Variants in EYA4 observed in about 807,000 individuals in gnomAD.
EYA4 encodes protein phosphatase EYA4.
In EYA4, 31 loss-of-function variants were observed where a neutral mutation model predicts 87.9. That is an observed-to-expected ratio of 0.35 (90% CI 0.27 to 0.48). The LOEUF is 0.48. EYA4 is among the 20% of genes least tolerant of loss of function. EYA4 has a pLI of 0.99. For synonymous variants in EYA4, 263 were observed against 270.6 expected, an observed-to-expected ratio of 0.97 and a Z score of 0.28; for missense variants, 678 against 761.4, an observed-to-expected ratio of 0.89 and a Z score of 1.29.
intron 2 of EYA4, among the ~76,000 whole-genome samples, chr6:133,366,412 A>G (rs990707409): frequency 2.0e-5 from 3 of 152,152 alleles, no homozygotes; most frequent in Admixed American, 6.5e-5. Flanking sequence ...TGGTGATAAA[A>G]ATTTGGGAAC....
intron 2 of EYA4, among the ~76,000 whole-genome samples, chr6:133,327,160 C>A (rs1001217641): frequency 1.3e-5 from 2 of 151,868 alleles, no homozygotes; most frequent in Non-Finnish European, 2.9e-5. Context: ...TTTTTTGAGA[C>A]AGAGTCTCGC....
intron 2 of EYA4, chr6:133,360,487 T>C (rs149253177): frequency 3.9e-5 from 6 of 152,326 alleles, no homozygotes; most frequent in African/African-American, 1.4e-4. Context: ...TGCCAACCAA[T>C]GTGTTAGATG....
intron 17 of EYA4, among the ~76,000 whole-genome samples, 180 bp from the exon 18 acceptor site, chr6:133,522,876 G>T (rs1015798533): frequency 9.2e-5 from 14 of 152,120 alleles, no homozygotes; most frequent in African/African-American, 2.9e-4. Flanking sequence ...TCATGGGTTT[G>T]TATATTCTTC....
chr6:133,340,364 A>G (rs983738250), intron 2 of EYA4, among the ~76,000 whole-genome samples: 1 of 152,220 alleles, frequency 6.6e-6, no homozygotes, highest in African/African-American at 2.4e-5. Context: ...CTCTTTTCAC[A>G]TCTACATAAA....
chr6:133,481,507 C>G lies in EYA4; in HGVS notation c.1015C>G (p.Leu339Val), dbSNP rs747932742. 1.2e-6 allele frequency: 2 copies of G among 1,613,260 alleles called. No individual in the cohort carries two copies. Among genetic ancestry groups the G allele is most frequent in the Non-Finnish European group, 1.7e-6 (2 of 1,179,306 alleles). ...GAGTCCCTCCACACCCATCAAAGATCTTGATGAGAGAACCTGTAGGAGTTC... is the reference window on the plus strand; with the variant it reads ...GAGTCCCTCCACACCCATCAAAGATGTTGATGAGAGAACCTGTAGGAGTTC... ...MQSPSTPIKDLDERTCRSSGS... is the reference protein window; with the variant it reads ...MQSPSTPIKDVDERTCRSSGS... Residue 339 changes from leucine to valine, a missense_variant, in exon 12 of 20, where the codon CTT becomes GTT. Transcript: ENST00000355286.
chr6:133,494,988 G>T (rs899598101), intron 13 of EYA4, among the ~76,000 whole-genome samples: 1 of 152,124 alleles, frequency 6.6e-6, no homozygotes, highest in Non-Finnish European at 1.5e-5. Flanking sequence ...ATCTCATGAC[G>T]CCAGGTGCGG....
At chr6:133,339,041 T>C (rs1782590038) in intron 2 of EYA4, among the ~76,000 whole-genome samples, 1 of 152,096 alleles carries the variant, frequency 6.6e-6, no homozygotes, top group African/African-American at 2.4e-5. Context: ...GTGCTCGGGG[T>C]GCAGGGTCAG....
intron 2 of EYA4, among the ~76,000 whole-genome samples, chr6:133,367,166 T>G (rs1010038466): frequency 6.6e-6 from 1 of 152,202 alleles, no homozygotes; most frequent in Non-Finnish European, 1.5e-5. Flanking sequence ...TTGGGTCTTC[T>G]TCCTATATCC....
intron 2 of EYA4, among the ~76,000 whole-genome samples, chr6:133,352,105 C>G (rs1324510621): frequency 6.6e-6 from 1 of 152,050 alleles, no homozygotes. Context: ...ACAACTTAAT[C>G]TTTTTGAATG....
At chr6:133,458,285 C>A (rs933172241) in intron 6 of EYA4, among the ~76,000 whole-genome samples, 2 of 151,940 alleles carry the variant, frequency 1.3e-5, no homozygotes, top group African/African-American at 4.8e-5. Context: ...AGCAATATTG[C>A]AGTAAGTATA....
intron 2 of EYA4, among the ~76,000 whole-genome samples, chr6:133,282,539 G>T (rs1284940401): frequency 6.6e-6 from 1 of 151,882 alleles, no homozygotes; most frequent in African/African-American, 2.4e-5. Context: ...AATTTGATTT[G>T]TTAAAATTTT....
At chr6:133,325,795 A>G (rs1374771719) in intron 2 of EYA4, among the ~76,000 whole-genome samples, 5 of 152,220 alleles carry the variant, frequency 3.3e-5, no homozygotes, top group Admixed American at 6.5e-5. Context: ...TGTTGCAATG[A>G]AAAAGCAGCC....
At chr6:133,370,428 T>C (rs1329405834) in intron 2 of EYA4, among the ~76,000 whole-genome samples, 1 of 152,214 alleles carries the variant, frequency 6.6e-6, no homozygotes, top group African/African-American at 2.4e-5. Flanking sequence ...CACAGTTTTT[T>C]AGTACAAGGA....
chr6:133,479,475 C>T (rs1042384872), intron 11 of EYA4, among the ~76,000 whole-genome samples: 2 of 152,040 alleles, frequency 1.3e-5, no homozygotes, highest in Non-Finnish European at 2.9e-5. Context: ...TTAGAGGTTA[C>T]CCATGTAAAA....
At chr6:133,323,585 C>CA (rs59857114) in intron 2 of EYA4, among the ~76,000 whole-genome samples, 66,476 of 151,712 alleles carry the variant, frequency 0.44, 15,263 homozygotes, top group Non-Finnish European at 0.53. Flanking sequence ...AATAGCTCAG[C>CA]AAAAATGTTT....
intron 13 of EYA4, among the ~76,000 whole-genome samples, chr6:133,495,129 TGTG>T (rs1414982735): frequency 6.6e-6 from 1 of 151,444 alleles, no homozygotes; most frequent in Admixed American, 6.6e-5. Flanking sequence ...ATTAGCCAGG[TGTG>T]GTGGTGGGCA....
intron 2 of EYA4, among the ~76,000 whole-genome samples, chr6:133,343,641 C>T (rs1782980874): frequency 6.8e-6 from 1 of 146,446 alleles, no homozygotes; most frequent in African/African-American, 2.5e-5. Flanking sequence ...GCGTCCTTAC[C>T]TTGATAAGCT....
intron 3 of EYA4, among the ~76,000 whole-genome samples, chr6:133,403,714 A>T (rs1478955724): frequency 6.6e-6 from 1 of 152,232 alleles, no homozygotes; most frequent in African/African-American, 2.4e-5. Flanking sequence ...TTGCACATTC[A>T]TCAACTAAAC....
intron 2 of EYA4, among the ~76,000 whole-genome samples, chr6:133,292,040 A>C (rs1259412497): frequency 1.3e-5 from 2 of 152,208 alleles, no homozygotes; most frequent in Non-Finnish European, 2.9e-5. Context: ...TTTGTGACTG[A>C]AAATCTTTGT....
Sources: gnomAD v4.1 joint callset for allele counts (sites outside exome capture counted in the v4.1 genomes callset) on GRCh38, gnomAD v4.1.1 for gene constraint, MANE v1.5 for transcripts, NCBI Gene and HGNC (gene_info 2026-07-23, HGNC 2026-07-21) for gene names.